The following CACNA1C variants were observed in gnomAD, a reference collection of about 807,000 sequenced individuals.
The protein encoded by CACNA1C is voltage-dependent L-type calcium channel subunit alpha-1C.
A neutral mutation model predicts 229.0 loss-of-function variants in CACNA1C; 30 were observed. The observed-to-expected ratio is 0.13, with a 90% confidence interval of 0.10 to 0.18. The LOEUF (loss-of-function observed/expected upper bound fraction) is 0.18, where lower values mean the gene tolerates loss of function less well. Among genes scored for constraint, CACNA1C ranks in the 10% least tolerant of loss-of-function variants. CACNA1C has a pLI of 1.00. For synonymous variants in CACNA1C, 1,114 were observed against 1,132.5 expected, an observed-to-expected ratio of 0.98 and a Z score of 0.33; for missense variants, 1,658 against 2,845.0, an observed-to-expected ratio of 0.58 and a Z score of 9.49.
At chr12:2,680,323 C>T in intron 42 of CACNA1C, 1 of 1,418,518 alleles carries the variant, frequency 7.0e-7, no homozygotes, top group Non-Finnish European at 9.6e-7. Flanking sequence ...TTACTCCTGA[C>T]TCACTCTTTT....
intron 3 of CACNA1C, among the ~76,000 whole-genome samples, chr12:2,360,166 A>AC (rs2097522085): frequency 6.2e-5 from 2 of 32,468 alleles, no homozygotes; most frequent in Non-Finnish European, 1.3e-4. Context: ...ACCCCCCCCC[A>AC]CCCCCCCACC....
At chr12:2,550,763 AG>A in intron 10 of CACNA1C, 1 of 960,320 alleles carries the variant, frequency 1.0e-6, no homozygotes, top group Non-Finnish European at 1.4e-6. Flanking sequence ...GGGCAAGCGC[AG>A]CCCTTTCACA....
At chr12:2,030,628 G>C (rs762605984) in intron 1 of CACNA1C, among the ~76,000 whole-genome samples, 2 of 152,182 alleles carry the variant, frequency 1.3e-5, no homozygotes, top group Admixed American at 6.5e-5. Context: ...CCTTAGGTGC[G>C]TGTGAAGTTG....
Position 2,067,481 on chromosome 12 carries a change from T to TGTGTGTGTGC in CACNA1C, c.49+13871_49+13872insTGTGTGTGCG, listed in dbSNP as rs3085990. On this transcript the variant is annotated intron_variant, in intron 1 of 46. Coordinates refer to ENST00000399655, the MANE Select transcript of CACNA1C (RefSeq NM_000719.7). This position sits in a 1 kb window ranked among gnomAD's most constrained non-coding sequence, Gnocchi z 5.3. ...GTGTGTGTGTGTGTGTGTGTGTGTG[T>TGTGTGTGTGC]GCGCGCGTGTGCGTGCCTGTATGTA... Among the ~76,000 whole-genome samples, 46,834 of 140,382 alleles carry TGTGTGTGTGC rather than the reference T, an allele frequency of 0.33. 8,616 individuals are homozygous for TGTGTGTGTGC. Among genetic ancestry groups the TGTGTGTGTGC allele is most frequent in the Non-Finnish European group, 0.41 (26,735 of 65,556 alleles). The allele number at this position is 140,382 out of a possible 152,430, so 92.1% of individuals were successfully genotyped here.
chr12:2,572,852 T>TTCCTCCTCCTCC (rs1400336698), intron 13 of CACNA1C, among the ~76,000 whole-genome samples: 14 of 96,432 alleles, frequency 1.5e-4, no homozygotes, highest in Non-Finnish European at 2.1e-5. Context: ...CCTCCTCCTC[T>TTCCTCCTCCTCC]TCCTCCTCCT....
chr12:2,455,526 G>A (rs934222482), intron 4 of CACNA1C, among the ~76,000 whole-genome samples: 2 of 152,068 alleles, frequency 1.3e-5, no homozygotes, highest in African/African-American at 4.8e-5. Flanking sequence ...TTTTAATGTG[G>A]CTCCTAGCAA....
At chr12:2,617,368 G>C (rs1490756577) in intron 29 of CACNA1C, among the ~76,000 whole-genome samples, 1 of 152,222 alleles carries the variant, frequency 6.6e-6, no homozygotes, top group Non-Finnish European at 1.5e-5. Context: ...ACATATGCCA[G>C]CTAAGCTATA....
chr12:2,690,674 C>A, intron 46 of CACNA1C: 1 of 506,348 alleles, frequency 2.0e-6, no homozygotes, highest in Non-Finnish European at 3.5e-6. Flanking sequence ...GTTTGACCAC[C>A]CCAGCCAAAA....
chr12:2,178,899 T>C (rs2096748339), intron 3 of CACNA1C, among the ~76,000 whole-genome samples: 1 of 152,034 alleles, frequency 6.6e-6, no homozygotes. Flanking sequence ...CTGTCTGTAC[T>C]AAAAATACAA....
intron 3 of CACNA1C, among the ~76,000 whole-genome samples, chr12:2,407,270 G>A (rs538285474): frequency 3.3e-5 from 5 of 152,296 alleles, no homozygotes; most frequent in South Asian, 2.1e-4. Flanking sequence ...CGTCTCCACC[G>A]ACACCATGTG....
Position 2,053,702 on chromosome 12 carries a change from T to A in CACNA1C, c.49+91T>A. ...GCGCTCCCCGCGGCCCCGGGGCCGG[T>A]CCCTGCGGAGTGGCCCGGGGCCGCG... On this transcript the variant is annotated intron_variant, in intron 1 of 46. Transcript: ENST00000399655. This position sits in a 1 kb window ranked among gnomAD's most constrained non-coding sequence, Gnocchi z 5.8. The A allele has an allele frequency of 1.2e-6, 1 of 857,454 alleles. No homozygotes were observed. Among genetic ancestry groups the A allele is most frequent in the Non-Finnish European group, 1.6e-6 (1 of 642,716 alleles). 53.1% of individuals were successfully genotyped at this position (857,454 alleles called of 1,614,324 possible).
intron 1 of CACNA1C, among the ~76,000 whole-genome samples, chr12:2,109,045 C>T (rs1298546206): frequency 6.6e-6 from 1 of 152,218 alleles, no homozygotes; most frequent in Non-Finnish European, 1.5e-5. Context: ...ATTTGCAGTT[C>T]TTCCCTTTCT....
chr12:2,518,774 T>A (rs1448894226), intron 9 of CACNA1C, among the ~76,000 whole-genome samples: 1 of 152,178 alleles, frequency 6.6e-6, no homozygotes, highest in African/African-American at 2.4e-5. Flanking sequence ...TTGATTCTGT[T>A]CATACCTTGC....
intron 4 of CACNA1C, among the ~76,000 whole-genome samples, chr12:2,455,041 G>A (rs1460174432): frequency 6.6e-6 from 1 of 151,252 alleles, no homozygotes; most frequent in African/African-American, 2.4e-5. Flanking sequence ...TGCACGGGTG[G>A]CACCCTTTCT....
At chr12:2,506,292 T>G (rs540656710) in intron 8 of CACNA1C, among the ~76,000 whole-genome samples, 1 of 152,324 alleles carries the variant, frequency 6.6e-6, no homozygotes, top group South Asian at 2.1e-4. Context: ...AATGCCCATG[T>G]GTTTATATGT....
chr12:2,515,023 C>T (rs756675918), intron 9 of CACNA1C, among the ~76,000 whole-genome samples: 9 of 152,208 alleles, frequency 5.9e-5, no homozygotes, highest in Non-Finnish European at 7.3e-5. Context: ...TAAGGATGGC[C>T]TTAGACTCTG....
intron 3 of CACNA1C, among the ~76,000 whole-genome samples, chr12:2,151,472 A>G (rs187845486): frequency 1.4e-3 from 216 of 152,280 alleles, no homozygotes; most frequent in Non-Finnish European, 2.8e-3. Flanking sequence ...AGAACCAGAA[A>G]TAGTCTTTCC....
chr12:2,606,739 G>T, intron 25 of CACNA1C, 76 bp downstream of exon 25: 1 of 1,331,398 alleles, frequency 7.5e-7, no homozygotes, highest in South Asian at 1.3e-5. Context: ...CAGAAAGGAG[G>T]GACAGCTCAT....
At chr12:2,552,837 G>A (rs1285644263) in intron 10 of CACNA1C, among the ~76,000 whole-genome samples, 1 of 152,174 alleles carries the variant, frequency 6.6e-6, no homozygotes, top group East Asian at 1.9e-4. Flanking sequence ...GGACAGGGAG[G>A]AAGATGGGAG....
Sources: gnomAD v4.1 joint callset for allele counts (sites outside exome capture counted in the v4.1 genomes callset) on GRCh38, gnomAD v4.1.1 for gene constraint, Gnocchi (gnomAD v3.1) non-coding constraint, MANE v1.5 for transcripts, NCBI Gene and HGNC (gene_info 2026-07-23, HGNC 2026-07-21) for gene names.